CPLANE1: variants seen among roughly 807,000 people sequenced by gnomAD.
CPLANE1 encodes ciliogenesis and planar polarity effector 1.
CPLANE1 carries 263 observed loss-of-function variants against 362.5 expected under a neutral mutation model. That is an observed-to-expected ratio of 0.73 (90% CI 0.66 to 0.80). The LOEUF (loss-of-function observed/expected upper bound fraction) is 0.80, where lower values mean the gene tolerates loss of function less well. Among genes scored for constraint, CPLANE1 ranks in the 30% least tolerant of loss-of-function variants. The pLI is 0.00. For missense variants in CPLANE1, 3,461 were observed against 3,793.4 expected (o/e 0.91, Z 2.30); for synonymous variants, 1,212 against 1,302.6 (o/e 0.93, Z 1.50).
intron 15 of CPLANE1, among the ~76,000 whole-genome samples, chr5:37,220,285 TA>T (rs914147632): frequency 2.6e-5 from 4 of 151,926 alleles, no homozygotes; most frequent in African/African-American, 9.7e-5. Flanking sequence ...AAGACATTTA[TA>T]AACAGTGGCT....
intron 32 of CPLANE1, among the ~76,000 whole-genome samples, chr5:37,170,573 T>C (rs1344899270): frequency 6.6e-6 from 1 of 152,106 alleles, no homozygotes; most frequent in African/African-American, 2.4e-5. Context: ...AACTTGGAAC[T>C]ATTTGTAAAC....
At chr5:37,230,828 A>G (rs1423847204) in intron 9 of CPLANE1, 39 bp downstream of exon 9, 5 of 1,329,098 alleles carry the variant, frequency 3.8e-6, no homozygotes, top group Non-Finnish European at 4.9e-6. Context: ...AAACAGAAAA[A>G]AAATCTATAA....
chr5:37,166,467 G>A (rs1778272921), intron 35 of CPLANE1, among the ~76,000 whole-genome samples: 1 of 152,130 alleles, frequency 6.6e-6, no homozygotes. Flanking sequence ...GAAAATAGAT[G>A]AGTTCAGTGC....
At chr5:37,116,106 G>A (rs1262745858) in intron 50 of CPLANE1, among the ~76,000 whole-genome samples, 1 of 151,728 alleles carries the variant, frequency 6.6e-6, no homozygotes, top group Non-Finnish European at 1.5e-5. Flanking sequence ...GAGCAACATG[G>A]CAAGACTCCG....
chr5:37,089,485 G>A, the CPLANE1 span, among the ~76,000 whole-genome samples: 1 of 152,066 alleles, frequency 6.6e-6, no homozygotes, highest in Admixed American at 6.5e-5. Flanking sequence ...AAATTACAGA[G>A]GGCCCATGAA....
In CPLANE1 at chr5:37,169,288, T is replaced by C. The variant is rs768009044; in HGVS notation, c.6736A>G (p.Ile2246Val). 6.2e-7 allele frequency: 1 copy of C among 1,614,226 alleles called. No individual in the cohort carries two copies. Among genetic ancestry groups the C allele is most frequent in the Non-Finnish European group, 8.5e-7 (1 of 1,180,036 alleles). Residue 2246 changes from isoleucine (I) to valine (V), a missense_variant, in exon 34 of 53, where the codon ATT (isoleucine) becomes GTT (valine). By Grantham distance (29) the Ile-to-Val change is conservative. Around this residue, in one of 2 missense-constraint regions of CPLANE1, gnomAD observed 3,380 missense variants for 3,666.1 expected, o/e 0.92. Coordinates refer to ENST00000651892, the MANE Select transcript of CPLANE1 (RefSeq NM_001384732.1). ...AAAGGCCTGAAGGGAACTTGTGGAA[T>C]ACTTCCTGTATGTAAGAAAAGGGGC... Reference protein sequence around the residue: ...FQPLFLHTGSIPQVPFRPLPQ... With the variant: ...FQPLFLHTGSVPQVPFRPLPQ...
intron 46 of CPLANE1, among the ~76,000 whole-genome samples, chr5:37,127,262 T>C (rs1278979857): frequency 6.6e-6 from 1 of 152,214 alleles, no homozygotes; most frequent in Non-Finnish European, 1.5e-5. Flanking sequence ...TTTCTGAACC[T>C]GGAGGTGATC....
At chr5:37,077,484 T>C in the CPLANE1 span, among the ~76,000 whole-genome samples, 5 of 152,162 alleles carry the variant, frequency 3.3e-5, no homozygotes, top group East Asian at 9.6e-4. Flanking sequence ...CAATTCTCTT[T>C]GTTTGCATTG....
intron 24 of CPLANE1, 39 bp from the exon 25 acceptor site, chr5:37,185,118 A>G: frequency 6.5e-7 from 1 of 1,547,922 alleles, no homozygotes; most frequent in Non-Finnish European, 8.7e-7. Flanking sequence ...TGTTCATTAA[A>G]ATATTTCAAT....
At chr5:37,115,155 G>T in intron 50 of CPLANE1, 106 bp from the exon 51 acceptor site, 1 of 773,514 alleles carries the variant, frequency 1.3e-6, no homozygotes, top group Non-Finnish European at 2.2e-6. Flanking sequence ...CTTTGAATCT[G>T]CTCACCAAGC....
rs1438298231 is a variant in CPLANE1 at position 37,125,167 on chromosome 5, T to C, written c.8958+77A>G. On this transcript the variant is annotated intron_variant, in intron 47 of 52. Transcript: ENST00000651892. The stretch of plus-strand genomic sequence containing the variant: ...TACAAATGTATCCAAATTATGTTAA[T>C]CTTTTTCTTAAAATTTTGCCAGGAA... 3.4e-6 allele frequency: 5 copies of C among 1,480,536 alleles called. No individual in the cohort carries two copies. In the South Asian group the frequency reaches 6.7e-5, roughly 20 times the overall value. The allele number at this position is 1,480,536 out of a possible 1,614,324, so 91.7% of individuals were successfully genotyped here.
chr5:37,195,758 A>G, intron 21 of CPLANE1, 100 bp downstream of exon 21: 1 of 1,145,018 alleles, frequency 8.7e-7, no homozygotes, highest in Non-Finnish European at 1.2e-6. Flanking sequence ...AAAGTAAAAT[A>G]TCAGAGCATA....
Position 37,183,397 on chromosome 5 carries a change from T to C in CPLANE1, c.4784A>G (p.Asp1595Gly), listed in dbSNP as rs1783188847. The C allele has an allele frequency of 6.2e-7, 1 of 1,613,382 alleles. No homozygotes were observed. The highest frequency in any genetic ancestry group is 1.1e-5 in the South Asian group (1 of 90,936). ...ATGTCGTTTTAATGTTGTATGTACA[T>C]CAAAAAGTAAAGAATTAAGTTCATG... The part of the protein sequence containing the change: ...REHELNSLLF[D>G]VHTTLKRHQS... The change falls in exon 26 of 53, where the codon GAT becomes GGT. Residue 1595 changes from aspartate to glycine, a missense_variant. Asp to Gly is a moderately conservative substitution (Grantham distance 94). This residue lies in a region of CPLANE1 where 3,380 missense variants were observed against 3,666.1 expected (regional missense o/e 0.92). Coordinates refer to ENST00000651892, the MANE Select transcript of CPLANE1 (RefSeq NM_001384732.1).
At position 37,212,070 on chromosome 5, in the gene CPLANE1, C is replaced by T. The variant is rs569652014; in HGVS notation, c.2920+1489G>A. ...AGAAGAAAGAAGGCAGAGTAACCTACAAGAAATTTTAGAAAGGGAAAGAAG... is the reference window on the plus strand; with the variant it reads ...AGAAGAAAGAAGGCAGAGTAACCTATAAGAAATTTTAGAAAGGGAAAGAAG... On this transcript the variant is annotated intron_variant, in intron 16 of 52. Coordinates refer to ENST00000651892, the MANE Select transcript of CPLANE1 (RefSeq NM_001384732.1). The T allele has an allele frequency of 2.5e-4, 224 of 902,374 alleles. 6 individuals carry two copies. The South Asian group carries it at 2.9e-3, about 12-fold the overall frequency. The allele number at this position is 902,374 out of a possible 1,614,324, so 55.9% of individuals were successfully genotyped here.
intron 47 of CPLANE1, among the ~76,000 whole-genome samples, chr5:37,122,892 TA>T (rs1328361942): frequency 6.6e-6 from 1 of 151,962 alleles, no homozygotes; most frequent in African/African-American, 2.4e-5. Flanking sequence ...AAAAAATAAA[TA>T]AATAAATAAA....
At chr5:37,089,314 G>A in the CPLANE1 span, among the ~76,000 whole-genome samples, 2 of 152,084 alleles carry the variant, frequency 1.3e-5, no homozygotes, top group African/African-American at 4.8e-5. Context: ...TCTAATCATG[G>A]CCATCCCTGT....
intron 47 of CPLANE1, among the ~76,000 whole-genome samples, chr5:37,122,927 G>A (rs1763077327): frequency 6.6e-6 from 1 of 152,040 alleles, no homozygotes; most frequent in East Asian, 1.9e-4. Flanking sequence ...TTTAATAAAT[G>A]GAAGGCAAAA....
Position 37,150,524 on chromosome 5 carries a change from G to GCA in CPLANE1, c.8374-2258_8374-2257dup, listed in dbSNP as rs146749059. ...CCTCCCTCCCCCAACACACACGCGC[G>GCA]CACACACACACACACACAACTCCTC... is the stretch of plus-strand genomic sequence containing the variant. On this transcript the variant is annotated intron_variant, in intron 42 of 52. Transcript: ENST00000651892. 7.4e-4 allele frequency among the ~76,000 whole-genome samples: 111 copies of GCA among 149,692 alleles called. 1 individual carries two copies. Among genetic ancestry groups the GCA allele is most frequent in the East Asian group, 2.0e-3 (10 of 5,122 alleles).
At chr5:37,155,631 TC>T (rs2150667043) in intron 41 of CPLANE1, among the ~76,000 whole-genome samples, 1 of 152,364 alleles carries the variant, frequency 6.6e-6, no homozygotes, top group South Asian at 2.1e-4. Flanking sequence ...CGCCTTAGCC[TC>T]CCAAAGTGTT....
Sources: gnomAD v4.1 joint callset for allele counts (sites outside exome capture counted in the v4.1 genomes callset) on GRCh38, gnomAD v4.1.1 for gene constraint, gnomAD v4.1.1 regional missense constraint, MANE v1.5 for transcripts, NCBI Gene and HGNC (gene_info 2026-07-23, HGNC 2026-07-21) for gene names.